TGFBRAP1: variants seen among roughly 807,000 people sequenced by gnomAD.
TGFBRAP1 encodes transforming growth factor beta receptor associated protein 1.
In TGFBRAP1, 20 loss-of-function variants were observed where a neutral mutation model predicts 83.2. The observed-to-expected ratio is 0.24, with a 90% confidence interval of 0.17 to 0.35. The LOEUF (loss-of-function observed/expected upper bound fraction) is 0.35, where lower values mean the gene tolerates loss of function less well. Ranked by LOEUF, TGFBRAP1 falls within the 10% of genes least tolerant of loss-of-function variation. The pLI is 1.00. For missense variants in TGFBRAP1, 950 were observed against 1,099.4 expected (o/e 0.86, Z 1.92); for synonymous variants, 415 against 459.8 (o/e 0.90, Z 1.25).
rs146537040 is a variant in TGFBRAP1, at chr2:105,297,308, T to A, written c.884-798A>T. 7.2e-5 allele frequency among the ~76,000 whole-genome samples: 11 copies of A among 152,362 alleles called. No individual in the cohort carries two copies. The East Asian group carries it at 2.1e-3, about 29-fold the overall frequency. On this transcript the variant is annotated intron_variant, in intron 3 of 11. Transcript: ENST00000393359. ...AATGACATTCTGTCCCTGCTCTGCC[T>A]GGAGTCACTTTTCCCAGGAAGCCTC... is the stretch of plus-strand genomic sequence containing the variant.
At chr2:105,297,846 T>C (rs1179280206) in intron 3 of TGFBRAP1, among the ~76,000 whole-genome samples, 2 of 152,234 alleles carry the variant, frequency 1.3e-5, no homozygotes, top group African/African-American at 2.4e-5. Context: ...CTCAGCAAAA[T>C]GTTAACAAGC....
chr2:105,280,608 G>A lies in TGFBRAP1; in HGVS notation c.1237C>T (p.Leu413=). The A allele has an allele frequency of 1.9e-6, 3 of 1,614,180 alleles. No individual in the cohort carries two copies. Among genetic ancestry groups the A allele is most frequent in the Non-Finnish European group, 2.5e-6 (3 of 1,180,044 alleles). The change falls in exon 6 of 12, where the codon CTG becomes TTG. Residue 413 remains leucine (L), a synonymous_variant. Coordinates refer to ENST00000393359, the MANE Select transcript of TGFBRAP1 (RefSeq NM_004257.6). ...PLHEYADLNQ[L]TQGDQEKMAK... ...ATCTTCTCCTGGTCCCCCTGGGTCAGCTGGTTCAGGTCTGCGTACTCATGA... is the reference window on the plus strand; with the variant it reads ...ATCTTCTCCTGGTCCCCCTGGGTCAACTGGTTCAGGTCTGCGTACTCATGA...
chr2:105,298,412 T>C, intron 3 of TGFBRAP1, 99 bp downstream of exon 3: 1 of 1,321,500 alleles, frequency 7.6e-7, no homozygotes, highest in Non-Finnish European at 1.0e-6. Flanking sequence ...GTGTATCTTT[T>C]ATGCTTAGCG....
the TGFBRAP1 span, among the ~76,000 whole-genome samples, chr2:105,251,347 G>A: frequency 1.5e-4 from 22 of 144,068 alleles, no homozygotes; most frequent in Admixed American, 5.5e-4. Flanking sequence ...GCCGCCCATC[G>A]TCTGAGATGT....
At chr2:105,323,760 T>C (rs1679137639) in intron 1 of TGFBRAP1, among the ~76,000 whole-genome samples, 1 of 152,198 alleles carries the variant, frequency 6.6e-6, no homozygotes, top group Non-Finnish European at 1.5e-5. Context: ...ATGGGGGGTT[T>C]GATAGGCTCT....
At chr2:105,304,917 C>T (rs768597802) in intron 2 of TGFBRAP1, among the ~76,000 whole-genome samples, 1 of 152,044 alleles carries the variant, frequency 6.6e-6, no homozygotes, top group Non-Finnish European at 1.5e-5. Flanking sequence ...AAAAGATCAG[C>T]GGTTGCTGGG....
chr2:105,250,257 T>C, the TGFBRAP1 span, among the ~76,000 whole-genome samples: 2 of 152,168 alleles, frequency 1.3e-5, no homozygotes, highest in African/African-American at 2.4e-5. Flanking sequence ...GGCACTGATA[T>C]GCAAGTTCAG....
intron 1 of TGFBRAP1, among the ~76,000 whole-genome samples, chr2:105,314,878 AG>A (rs1468092007): frequency 6.7e-6 from 1 of 149,716 alleles, no homozygotes; most frequent in African/African-American, 2.4e-5. Context: ...TGGACCCAGG[AG>A]GCAGAGCTTG....
chr2:105,324,590 A>G lies in TGFBRAP1; in HGVS notation c.-18+5035T>C, dbSNP rs143783210. On this transcript the variant is annotated intron_variant, in intron 1 of 11. Transcript: ENST00000393359. ...TCGCTTAAAATTACAAGCATGAATA[A>G]TACCCATAAGTTAAAAGTTTTTTTT... Among the ~76,000 whole-genome samples, 230 of 152,328 alleles carry G rather than the reference A, an allele frequency of 1.5e-3. 1 individual carries two copies. The highest frequency in any genetic ancestry group is 5.2e-3 in the African/African-American group (218 of 41,578).
the TGFBRAP1 span, among the ~76,000 whole-genome samples, chr2:105,252,961 A>C: frequency 1.1e-3 from 172 of 151,868 alleles, 1 homozygote; most frequent in Non-Finnish European, 1.9e-3. Flanking sequence ...TCACCGTGTT[A>C]GCCAGGATGG....
At chr2:105,305,383 C>T (rs919730293) in intron 2 of TGFBRAP1, among the ~76,000 whole-genome samples, 1 of 152,140 alleles carries the variant, frequency 6.6e-6, no homozygotes, top group African/African-American at 2.4e-5. Context: ...ATCCCTGTAC[C>T]ATAAACACAT....
the TGFBRAP1 span, among the ~76,000 whole-genome samples, chr2:105,250,417 G>A: frequency 1.3e-5 from 2 of 152,068 alleles, no homozygotes; most frequent in African/African-American, 4.8e-5. Flanking sequence ...TCCTGTCTAG[G>A]AAAAATAACC....
At chr2:105,287,065 G>T (rs1410569418) in intron 4 of TGFBRAP1, among the ~76,000 whole-genome samples, 1 of 152,190 alleles carries the variant, frequency 6.6e-6, no homozygotes, top group African/African-American at 2.4e-5. Context: ...GATGAACGTT[G>T]AGGACAACGT....
chr2:105,311,990 T>C (rs905048008), intron 1 of TGFBRAP1, among the ~76,000 whole-genome samples: 7 of 152,174 alleles, frequency 4.6e-5, no homozygotes, highest in African/African-American at 1.7e-4. Context: ...CATGATATAT[T>C]TACTTAGATA....
At chr2:105,253,268 G>C in the TGFBRAP1 span, among the ~76,000 whole-genome samples, 6 of 152,144 alleles carry the variant, frequency 3.9e-5, no homozygotes, top group Non-Finnish European at 7.3e-5. Context: ...GAGTAGGTGG[G>C]ATTACAGGCA....
chr2:105,309,567 G>A (rs1678625959), intron 1 of TGFBRAP1, among the ~76,000 whole-genome samples: 1 of 152,120 alleles, frequency 6.6e-6, no homozygotes. Flanking sequence ...TAGAAAATTT[G>A]GAATTCTACA....
chr2:105,316,674 C>A (rs140971605), intron 1 of TGFBRAP1, among the ~76,000 whole-genome samples: 1 of 151,824 alleles, frequency 6.6e-6, no homozygotes, highest in Non-Finnish European at 1.5e-5. Context: ...ATTAGCTGGG[C>A]GTGGCTGTGC....
intron 5 of TGFBRAP1, among the ~76,000 whole-genome samples, chr2:105,283,021 G>A (rs1196874103): frequency 1.3e-5 from 2 of 152,072 alleles, no homozygotes; most frequent in African/African-American, 4.8e-5. Context: ...ATCACCTAAT[G>A]TTTCAGATTA....
At chr2:105,250,803 G>A in the TGFBRAP1 span, among the ~76,000 whole-genome samples, 9 of 152,318 alleles carry the variant, frequency 5.9e-5, no homozygotes, top group East Asian at 3.9e-4. Flanking sequence ...GCAGGCGCGC[G>A]CCGCCACGCC....
Sources: allele counts gnomAD v4.1 joint callset (sites outside exome capture counted in the v4.1 genomes callset), GRCh38; gene constraint gnomAD v4.1.1; transcripts MANE v1.5; gene names NCBI Gene and HGNC (gene_info 2026-07-23, HGNC 2026-07-21).